The following SEC22A variants were observed in gnomAD, a reference collection of about 807,000 sequenced individuals.
The protein encoded by SEC22A is vesicle-trafficking protein SEC22a.
SEC22A carries 22 observed loss-of-function variants against 35.3 expected under a neutral mutation model. That is an observed-to-expected ratio of 0.62 (90% CI 0.45 to 0.89). The LOEUF (loss-of-function observed/expected upper bound fraction) is 0.89. Ranked by LOEUF, SEC22A falls within the 40% of genes least tolerant of loss-of-function variation. The pLI is 0.00. For synonymous variants in SEC22A, 119 were observed against 129.5 expected, an observed-to-expected ratio of 0.92 and a Z score of 0.55; for missense variants, 354 against 362.5, an observed-to-expected ratio of 0.98 and a Z score of 0.19.
intron 4 of SEC22A, among the ~76,000 whole-genome samples, chr3:123,228,982 A>G (rs987081202): frequency 2.0e-5 from 3 of 152,186 alleles, no homozygotes; most frequent in African/African-American, 7.2e-5. Context: ...ATGAAGAAAA[A>G]TGAATGGAAC....
chr3:123,261,049 A>T (rs1937885529), intron 6 of SEC22A, among the ~76,000 whole-genome samples: 2 of 151,586 alleles, frequency 1.3e-5, no homozygotes, highest in African/African-American at 4.9e-5. Flanking sequence ...GTTAGCCAGG[A>T]TGGTCTTGAT....
intron 2 of SEC22A, among the ~76,000 whole-genome samples, chr3:123,217,726 T>C (rs1937056954): frequency 6.6e-6 from 1 of 152,238 alleles, no homozygotes; most frequent in Non-Finnish European, 1.5e-5. Flanking sequence ...CAGTTTGTAA[T>C]ACTAAATCAT....
At chr3:123,252,978 C>T (rs542978841) in intron 5 of SEC22A, among the ~76,000 whole-genome samples, 196 of 152,176 alleles carry the variant, frequency 1.3e-3, no homozygotes, top group African/African-American at 4.3e-3. Context: ...TGAATTGATA[C>T]CTTATGAAGG....
rs558159164 is a variant in SEC22A at position 123,212,299 on chromosome 3, TGTGATTATG to T, written c.182+2908_182+2916del. Among the ~76,000 whole-genome samples, 5 of 152,280 alleles carry T rather than the reference TGTGATTATG, an allele frequency of 3.3e-5. No individual in the cohort carries two copies. In the East Asian group the frequency reaches 7.7e-4, roughly 24 times the overall value. ...TTCTGAGGGTTTAATTAGAAAATATTGTGATTATGGTGATTAAAATATATGTAAAATGAT... is the reference window on the plus strand; with the variant it reads ...TTCTGAGGGTTTAATTAGAAAATATTGTGATTAAAATATATGTAAAATGAT... On this transcript the variant is annotated intron_variant, in intron 2 of 6. Transcript: ENST00000492595.
At chr3:123,217,021 A>G (rs1422429243) in intron 2 of SEC22A, among the ~76,000 whole-genome samples, 1 of 151,672 alleles carries the variant, frequency 6.6e-6, no homozygotes, top group Admixed American at 6.6e-5. Flanking sequence ...TAGAGATGGC[A>G]TCTCACTTTG....
intron 2 of SEC22A, among the ~76,000 whole-genome samples, chr3:123,212,534 A>AT (rs1307124165): frequency 6.6e-6 from 1 of 151,794 alleles, no homozygotes; most frequent in East Asian, 1.9e-4. Context: ...AACTTTTGCA[A>AT]TTTTTTTTCT....
intron 4 of SEC22A, among the ~76,000 whole-genome samples, chr3:123,228,684 C>T (rs1427715278): frequency 6.6e-6 from 1 of 151,668 alleles, no homozygotes; most frequent in Non-Finnish European, 1.5e-5. Flanking sequence ...AATCAGCTGT[C>T]AGATTTAACA....
At chr3:123,215,053 A>C (rs1041065108) in intron 2 of SEC22A, among the ~76,000 whole-genome samples, 4 of 152,338 alleles carry the variant, frequency 2.6e-5, no homozygotes, top group Admixed American at 2.6e-4. Flanking sequence ...CTAGAGTAAC[A>C]ACTTAAACTA....
intron 6 of SEC22A, among the ~76,000 whole-genome samples, chr3:123,267,489 G>C (rs1472956483): frequency 6.6e-6 from 1 of 152,016 alleles, no homozygotes; most frequent in East Asian, 1.9e-4. Context: ...CCCTAGATGT[G>C]TTTTTGCCCT....
chr3:123,209,335 C>T lies in SEC22A; in HGVS notation c.118C>T (p.Leu40Phe). 6.2e-7 allele frequency: 1 copy of T among 1,613,996 alleles called. No individual in the cohort carries two copies. Among genetic ancestry groups the T allele is most frequent in the Non-Finnish European group, 8.5e-7 (1 of 1,179,936 alleles). The change falls in exon 2 of 7, where the codon CTT (leucine) becomes TTT (phenylalanine). Residue 40 changes from leucine to phenylalanine, a missense_variant. By Grantham distance (22) the Leu-to-Phe change is conservative. Coordinates refer to ENST00000492595, the MANE Select transcript of SEC22A (RefSeq NM_012430.5). Reference sequence around the variant, plus strand: ...GGAGTGCAGAAAGTATTTTAAAATGCTTTCGAGGAAACTTGCTCAACTTCC... The same window carrying T: ...GGAGTGCAGAAAGTATTTTAAAATGTTTTCGAGGAAACTTGCTCAACTTCC... ...MQECRKYFKM[L>F]SRKLAQLPDR...
At chr3:123,208,774 A>G (rs543229651) in intron 1 of SEC22A, 1 of 180,082 alleles carries the variant, frequency 5.6e-6, no homozygotes, top group Admixed American at 5.5e-5. Flanking sequence ...GAAGCATAGT[A>G]TGTTGTTTTA....
intron 5 of SEC22A, 50 bp from the exon 6 acceptor site, chr3:123,259,474 A>G (rs781230003): frequency 1.5e-6 from 2 of 1,315,826 alleles, no homozygotes; most frequent in Admixed American, 3.6e-5. Context: ...TTGTTTCTGG[A>G]AATGGGCTCC....
chr3:123,220,268 C>G (rs1937096221), intron 2 of SEC22A, among the ~76,000 whole-genome samples: 1 of 152,100 alleles, frequency 6.6e-6, no homozygotes, highest in Non-Finnish European at 1.5e-5. Flanking sequence ...GGAGGATAAT[C>G]AAATAACTCC....
chr3:123,213,745 A>T (rs987685236), intron 2 of SEC22A, among the ~76,000 whole-genome samples: 4 of 152,166 alleles, frequency 2.6e-5, no homozygotes, highest in Non-Finnish European at 4.4e-5. Context: ...AGAAATTGAG[A>T]TACTCTTTCT....
chr3:123,221,407 G>A (rs1937120217), intron 2 of SEC22A, among the ~76,000 whole-genome samples: 2 of 140,584 alleles, frequency 1.4e-5, no homozygotes, highest in South Asian at 2.3e-4. Flanking sequence ...GGAGGCGGAG[G>A]TTGCAGTGAG....
At chr3:123,228,576 CAAAAA>C (rs528536258) in intron 4 of SEC22A, among the ~76,000 whole-genome samples, 2 of 83,062 alleles carry the variant, frequency 2.4e-5, no homozygotes, top group Non-Finnish European at 5.1e-5. Context: ...AACTCCATCT[CAAAAA>C]AAAAAAAAAA....
intron 6 of SEC22A, among the ~76,000 whole-genome samples, chr3:123,264,498 TTTTAAG>T (rs1163404405): frequency 6.6e-6 from 1 of 152,150 alleles, no homozygotes; most frequent in Non-Finnish European, 1.5e-5. Flanking sequence ...TTAGCCACTC[TTTTAAG>T]TGTGTGGTGA....
At chr3:123,259,402 T>C (rs1442175618) in intron 5 of SEC22A, 122 bp from the exon 6 acceptor site, 6 of 677,538 alleles carry the variant, frequency 8.9e-6, no homozygotes, top group Non-Finnish European at 1.6e-5. Flanking sequence ...TGAGAATTTC[T>C]ATATACCAGT....
chr3:123,209,187 A>G lies in SEC22A; in HGVS notation c.-19-12A>G, dbSNP rs1266496455. ...AATTTTTATGTAACCCAAATTGTTC[A>G]TTTTGTTTTAGGTCTTCTCTGTTGG... On this transcript the variant is annotated splice_polypyrimidine_tract_variant and intron_variant, in intron 1 of 6. Transcript: ENST00000492595. The G allele has an allele frequency of 3.1e-6, 5 of 1,609,572 alleles. No homozygotes were observed. The East Asian group carries it at 6.7e-5, about 22-fold the overall frequency.
Sources: gnomAD v4.1 joint callset for allele counts (sites outside exome capture counted in the v4.1 genomes callset) on GRCh38, gnomAD v4.1.1 for gene constraint, MANE v1.5 for transcripts, NCBI Gene and HGNC (gene_info 2026-07-23, HGNC 2026-07-21) for gene names.